NALF1: variants seen among roughly 807,000 people sequenced by gnomAD.
NALF1 encodes NALCN channel auxiliary factor 1.
Under a neutral mutation model 48.4 loss-of-function variants are expected in NALF1, and 3 were observed. The ratio of observed to expected loss-of-function variants is 0.06; its 90% CI spans 0.03 to 0.16. NALF1 has a LOEUF of 0.16. NALF1 is among the 10% of genes least tolerant of loss of function. The probability of loss-of-function intolerance (pLI) is 1.00; values close to 1 mark genes in which losing one functional copy is unlikely to be tolerated. For missense variants in NALF1, 526 were observed against 571.5 expected (o/e 0.92, Z 0.81); for synonymous variants, 262 against 245.7 (o/e 1.07, Z -0.62).
At chr13:107,379,029 C>T (rs1446129977) in intron 1 of NALF1, among the ~76,000 whole-genome samples, 1 of 152,168 alleles carries the variant, frequency 6.6e-6, no homozygotes, top group African/African-American at 2.4e-5. Context: ...ATGATCACCA[C>T]CGTGGCTTGA....
chr13:107,520,447 T>C (rs893421025), intron 1 of NALF1, among the ~76,000 whole-genome samples: 1 of 152,230 alleles, frequency 6.6e-6, no homozygotes, highest in African/African-American at 2.4e-5. Flanking sequence ...GGATTGAAGC[T>C]ATACCTGAAG....
intron 1 of NALF1, among the ~76,000 whole-genome samples, chr13:107,301,795 A>G (rs1881841870): frequency 1.3e-5 from 2 of 152,196 alleles, no homozygotes; most frequent in Non-Finnish European, 2.9e-5. Flanking sequence ...ATAAGCAAAC[A>G]AACAAAAACA....
chr13:107,823,153 T>C (rs749025278), intron 1 of NALF1, among the ~76,000 whole-genome samples: 1 of 152,238 alleles, frequency 6.6e-6, no homozygotes, highest in Non-Finnish European at 1.5e-5. Context: ...CTATTTAGAA[T>C]AGTCAGTTAC....
intron 1 of NALF1, among the ~76,000 whole-genome samples, chr13:107,432,753 C>T (rs796684025): frequency 1.5e-4 from 23 of 152,240 alleles, no homozygotes; most frequent in African/African-American, 5.5e-4. Context: ...CATGTCTGGT[C>T]CCAGCCTGTT....
At chr13:107,735,689 CAGTAA>C (rs1410290827) in intron 1 of NALF1, among the ~76,000 whole-genome samples, 1 of 152,128 alleles carries the variant, frequency 6.6e-6, no homozygotes, top group African/African-American at 2.4e-5. Context: ...TTAGTAAAAA[CAGTAA>C]ATATTGTACA....
intron 1 of NALF1, among the ~76,000 whole-genome samples, chr13:107,375,517 C>T (rs954681671): frequency 1.3e-5 from 2 of 151,678 alleles, no homozygotes; most frequent in East Asian, 1.9e-4. Context: ...GTGCTTTGCT[C>T]AATTTCAGTT....
At chr13:107,410,487 T>C (rs986986066) in intron 1 of NALF1, among the ~76,000 whole-genome samples, 1 of 152,176 alleles carries the variant, frequency 6.6e-6, no homozygotes, top group Non-Finnish European at 1.5e-5. Flanking sequence ...TATGCAGGCA[T>C]AAATTGTTAT....
intron 1 of NALF1, among the ~76,000 whole-genome samples, chr13:107,496,554 T>C (rs919748897): frequency 1.3e-5 from 2 of 152,168 alleles, no homozygotes; most frequent in African/African-American, 4.8e-5. Context: ...TTAATCATGT[T>C]CAGTTTTACC....
At chr13:107,403,015 A>C (rs1177746207) in intron 1 of NALF1, among the ~76,000 whole-genome samples, 1 of 151,964 alleles carries the variant, frequency 6.6e-6, no homozygotes. Context: ...GAATTGTCCT[A>C]CTGGAAGTTA....
intron 1 of NALF1, among the ~76,000 whole-genome samples, chr13:107,421,559 T>C (rs1370531589): frequency 6.6e-6 from 1 of 152,196 alleles, no homozygotes; most frequent in Non-Finnish European, 1.5e-5. Context: ...AGCTATACTG[T>C]TTTTTATAAT....
chr13:107,840,572 C>T (rs1880016323), intron 1 of NALF1, among the ~76,000 whole-genome samples: 1 of 152,168 alleles, frequency 6.6e-6, no homozygotes, highest in South Asian at 2.1e-4. Flanking sequence ...TAAAGGATTA[C>T]ACCAAATGCA....
chr13:107,482,414 G>A (rs1174261195), intron 1 of NALF1, among the ~76,000 whole-genome samples: 2 of 151,994 alleles, frequency 1.3e-5, no homozygotes, highest in Non-Finnish European at 2.9e-5. Context: ...CAGGGGCCTC[G>A]CTGAGGATGT....
Position 107,867,013 on chromosome 13 carries a change from C to G in NALF1, c.-417G>C, listed in dbSNP as rs1352197349. Among the ~76,000 whole-genome samples, 1 of 151,810 alleles carries G rather than the reference C, an allele frequency of 6.6e-6. No individual in the cohort carries two copies. The highest frequency in any genetic ancestry group is 1.5e-5 in the Non-Finnish European group (1 of 67,898). On this transcript the variant is annotated 5_prime_UTR_variant, in exon 1 of 3. Coordinates refer to ENST00000375915, the MANE Select transcript of NALF1 (RefSeq NM_001080396.3). The surrounding 1 kb of genome is among the most constrained non-coding windows in gnomAD (Gnocchi z 4.4). ...GGTGGCTGGCGCGGCTCCGGTCACC[C>G]AGGCATTGTCAGCGCGCGGGTCCCC...
intron 1 of NALF1, among the ~76,000 whole-genome samples, chr13:107,452,714 T>C (rs1333107873): frequency 6.6e-6 from 1 of 152,180 alleles, no homozygotes; most frequent in Non-Finnish European, 1.5e-5. Context: ...CCCAAATTCT[T>C]AATTCATTCT....
At chr13:107,684,979 T>C (rs1051855908) in intron 1 of NALF1, among the ~76,000 whole-genome samples, 2 of 152,192 alleles carry the variant, frequency 1.3e-5, no homozygotes, top group Non-Finnish European at 2.9e-5. Flanking sequence ...GACCAGGTCA[T>C]CTACCGTAGT....
intron 1 of NALF1, among the ~76,000 whole-genome samples, chr13:107,824,189 A>C (rs547642683): frequency 6.6e-6 from 1 of 152,174 alleles, no homozygotes; most frequent in East Asian, 1.9e-4. Flanking sequence ...TCTGCTTTCC[A>C]CTAAATTGTC....
intron 1 of NALF1, among the ~76,000 whole-genome samples, chr13:107,810,758 C>T (rs1443473213): frequency 6.6e-6 from 1 of 152,050 alleles, no homozygotes; most frequent in African/African-American, 2.4e-5. Flanking sequence ...ATATGCAGTT[C>T]AAAGTCTGTC....
At chr13:107,855,137 T>C (rs1456157209) in intron 1 of NALF1, among the ~76,000 whole-genome samples, 2 of 152,166 alleles carry the variant, frequency 1.3e-5, no homozygotes, top group Non-Finnish European at 2.9e-5. Flanking sequence ...CACCACATGC[T>C]TGCTCCATTG....
intron 1 of NALF1, among the ~76,000 whole-genome samples, chr13:107,665,988 A>T (rs942290630): frequency 5.9e-5 from 9 of 152,068 alleles, no homozygotes; most frequent in Admixed American, 2.0e-4. Flanking sequence ...AGATTTTTTT[A>T]AAATTAGGAA....
Sources: allele counts gnomAD v4.1 joint callset (sites outside exome capture counted in the v4.1 genomes callset), GRCh38; gene constraint gnomAD v4.1.1; non-coding constraint Gnocchi (gnomAD v3.1); transcripts MANE v1.5; gene names NCBI Gene and HGNC (gene_info 2026-07-23, HGNC 2026-07-21).